The following RHOC variants were observed in gnomAD, a reference collection of about 807,000 sequenced individuals.
The protein encoded by RHOC is ras homolog family member C, also known as rho-related GTP-binding protein RhoC.
Under a neutral mutation model 19.5 loss-of-function variants are expected in RHOC, and 13 were observed. The observed-to-expected ratio is 0.67, with a 90% confidence interval of 0.43 to 1.06. The LOEUF (loss-of-function observed/expected upper bound fraction) is 1.06, where lower values mean the gene tolerates loss of function less well. Among genes scored for constraint, RHOC ranks in the 50% least tolerant of loss-of-function variants. RHOC has a pLI of 0.00. For missense variants in RHOC, 173 were observed against 256.9 expected (o/e 0.67, Z 2.23); for synonymous variants, 106 against 97.3 (o/e 1.09, Z -0.52).
intron 1 of RHOC, among the ~76,000 whole-genome samples, chr1:112,706,482 A>ACCCCCCCAC (rs776494527): frequency 5.3e-5 from 1 of 19,034 alleles, no homozygotes; most frequent in Non-Finnish European, 9.1e-5. Flanking sequence ...ACACACACAC[A>ACCCCCCCAC]CACACACACA....
intron 5 of RHOC, 100 bp from the exon 6 acceptor site, chr1:112,701,813 T>C: frequency 1.6e-6 from 2 of 1,285,112 alleles, no homozygotes; most frequent in South Asian, 1.3e-5. Flanking sequence ...TGCCTCCTTC[T>C]CCAGCCCTGA....
Position 112,706,496 on chromosome 1 carries a change from A to C in RHOC, c.-77+582T>G, listed in dbSNP as rs1320826833. Among the ~76,000 whole-genome samples the C allele has an allele frequency of 2.2e-3, 89 of 40,924 alleles. 2 individuals carry two copies. The highest frequency in any genetic ancestry group is 7.2e-3 in the African/African-American group (87 of 12,130). The allele number at this position is 40,924 out of a possible 152,430, so 26.8% of individuals were successfully genotyped here. On this transcript the variant is annotated intron_variant, in intron 1 of 5. Coordinates refer to ENST00000339083, the MANE Select transcript of RHOC (RefSeq NM_175744.5). ...CACACACACACACACACACACACAC[A>C]CACACACACACACACACACACACAC... is the stretch of plus-strand genomic sequence containing the variant.
chr1:112,702,599 G>C lies in RHOC; in HGVS notation c.372C>G (p.Asp124Glu). The C allele has an allele frequency of 6.2e-7, 1 of 1,614,124 alleles. No homozygotes were observed. Among genetic ancestry groups the C allele is most frequent in the East Asian group, 2.2e-5 (1 of 44,874 alleles). Reference protein sequence around the residue: ...LVGNKKDLRQDEHTRRELAKM... With the variant: ...LVGNKKDLRQEEHTRRELAKM... ...TGGCCAGCTCTCTCCTGGTGTGCTC[G>C]TCTTGCCTCAGGTCCTTCTTATTCC... The change falls in exon 5 of 6, where the codon GAC (aspartate) becomes GAG (glutamate). Residue 124 changes from aspartate (D) to glutamate (E), a missense_variant. Asp to Glu is a conservative substitution (Grantham distance 45, BLOSUM62 2). Transcript: ENST00000339083.
At chr1:112,701,766 C>T in intron 5 of RHOC, 53 bp from the exon 6 acceptor site, 1 of 1,580,860 alleles carries the variant, frequency 6.3e-7, no homozygotes, top group South Asian at 1.1e-5. Context: ...ACATGAACCT[C>T]TCCTGCCTCA....
At chr1:112,704,768 C>A (rs890190520) in intron 2 of RHOC, 4 of 291,690 alleles carry the variant, frequency 1.4e-5, no homozygotes, top group South Asian at 7.2e-5. Context: ...CTTCCTCCCC[C>A]CTTCCTCCTA....
intron 1 of RHOC, chr1:112,705,980 G>A (rs958912950): frequency 2.4e-5 from 7 of 292,100 alleles, no homozygotes; most frequent in African/African-American, 1.5e-4. Flanking sequence ...GCTATGATTG[G>A]GCCAGAACAG....
chr1:112,702,151 A>G (rs1298865697), intron 5 of RHOC, among the ~76,000 whole-genome samples: 1 of 152,210 alleles, frequency 6.6e-6, no homozygotes. Flanking sequence ...CAGGTCCCTG[A>G]ATAAGCCAGC....
At chr1:112,703,621 G>A (rs1200780442) in intron 3 of RHOC, 23 bp downstream of exon 3, 4 of 1,600,476 alleles carry the variant, frequency 2.5e-6, no homozygotes, top group Non-Finnish European at 3.4e-6. Context: ...AGGGTGGGGT[G>A]GGAAGGGCAT....
chr1:112,701,580 A>ACCTGGAGGCCAGCC lies in RHOC; in HGVS notation c.528_541dup (p.Val181GlyfsTer45). The ACCTGGAGGCCAGCC allele has an allele frequency of 6.2e-7, 1 of 1,614,036 alleles. No individual in the cohort carries two copies. Among genetic ancestry groups the ACCTGGAGGCCAGCC allele is most frequent in the Non-Finnish European group, 8.5e-7 (1 of 1,179,982 alleles). The stretch of plus-strand genomic sequence containing the variant: ...GCCCCTCCGACGCTTGTTCTTGCGG[A>ACCTGGAGGCCAGCC]CCTGGAGGCCAGCCCGAGTGGCCAT... On this transcript the variant is annotated frameshift_variant, in exon 6 of 6. Coordinates refer to ENST00000339083, the MANE Select transcript of RHOC (RefSeq NM_175744.5). LOFTEE classifies it high-confidence loss of function.
chr1:112,706,488 A>ACAC (rs1674883612), intron 1 of RHOC, among the ~76,000 whole-genome samples: 8 of 26,066 alleles, frequency 3.1e-4, no homozygotes, highest in African/African-American at 1.1e-3. Context: ...ACACACACAC[A>ACAC]CACACACACA....
At chr1:112,706,475 CACACACACACACACACACACACACACA>C (rs1557780692) in intron 1 of RHOC, among the ~76,000 whole-genome samples, 10 of 3,558 alleles carry the variant, frequency 2.8e-3, no homozygotes, top group African/African-American at 6.2e-3. Flanking sequence ...CACACACACA[CACACACACACACACACACACACACACA>C]CACACACACA....
Position 112,702,640 on chromosome 1 carries a change from G to A in RHOC, c.331C>T (p.Pro111Ser). Reference protein sequence around the residue: ...PEVKHFCPNVPIILVGNKKDL... With the variant: ...PEVKHFCPNVSIILVGNKKDL... ...TTCTTATTCCCCACCAGGATGATGG[G>A]CACGTTGGGGCAGAAGTGCTTCACC... The change falls in exon 5 of 6, where the codon CCC (proline) becomes TCC (serine). Residue 111 changes from proline to serine, a missense_variant. Pro to Ser is a moderately conservative substitution (Grantham distance 74). Transcript: ENST00000339083. The A allele has an allele frequency of 1.2e-6, 2 of 1,614,112 alleles. No homozygotes were observed. The highest frequency in any genetic ancestry group is 1.7e-6 in the Non-Finnish European group (2 of 1,179,986).
rs776494527 is a variant in RHOC, at chr1:112,706,482, A to ACCACACACACACACACACCCCCACAC, written c.-77+595_-77+596insGTGTGGGGGTGTGTGTGTGTGTGTGG. 2.6e-4 allele frequency among the ~76,000 whole-genome samples: 5 copies of ACCACACACACACACACACCCCCACAC among 19,034 alleles called. 2 individuals carry two copies. Among genetic ancestry groups the ACCACACACACACACACACCCCCACAC allele is most frequent in the African/African-American group, 5.1e-4 (2 of 3,898 alleles). The allele number at this position is 19,034 out of a possible 152,430, so 12.5% of individuals were successfully genotyped here. On this transcript the variant is annotated intron_variant, in intron 1 of 5. Transcript: ENST00000339083. Reference sequence around the variant, plus strand: ...ACACACACCACACACACACACACACACACACACACACACACACACACACAC... The same window carrying ACCACACACACACACACACCCCCACAC: ...ACACACACCACACACACACACACACACCACACACACACACACACCCCCACACCACACACACACACACACACACACAC...
chr1:112,705,112 G>T lies in RHOC; in HGVS notation c.-20C>A, dbSNP rs1468238620. ...GAGGGGAACTGACCTCCAGCCGGCT[G>T]AAGTTCCCAGGCTGCAGGAAGAGAG... is the stretch of plus-strand genomic sequence containing the variant. On this transcript the variant is annotated 5_prime_UTR_variant, in exon 2 of 6. Coordinates refer to ENST00000339083, the MANE Select transcript of RHOC (RefSeq NM_175744.5). The T allele has an allele frequency of 4.3e-6, 3 of 702,516 alleles. No individual in the cohort carries two copies. The highest frequency in any genetic ancestry group is 2.7e-5 in the East Asian group (1 of 37,276). The allele number at this position is 702,516 out of a possible 1,614,324, so 43.5% of individuals were successfully genotyped here. A position where few individuals can be genotyped will look rare whatever the true frequency, so the allele number is the denominator to read the frequency against.
In RHOC at chr1:112,703,694, G is replaced by T; in HGVS notation, c.106C>A (p.Pro36Thr). The change falls in exon 3 of 6, where the codon CCT (proline) becomes ACT (threonine). Residue 36 changes from proline to threonine, a missense_variant. This residue lies in a region of RHOC where 92 missense variants were observed against 171.1 expected (regional missense o/e 0.54). Coordinates refer to ENST00000339083, the MANE Select transcript of RHOC (RefSeq NM_175744.5). Reference protein sequence around the residue: ...SKDQFPEVYVPTVFENYIADI... With the variant: ...SKDQFPEVYVTTVFENYIADI... ...GCAATATAGTTCTCAAAGACAGTAG[G>T]GACGTAGACCTCCGGAAACTGATCC... The T allele has an allele frequency of 6.2e-7, 1 of 1,613,674 alleles. No individual in the cohort carries two copies. Among genetic ancestry groups the T allele is most frequent in the Non-Finnish European group, 8.5e-7 (1 of 1,179,904 alleles).
chr1:112,701,364 G>GCTGGGAGGGAGGGCC lies in RHOC; in HGVS notation c.*161_*175dup, dbSNP rs1190519939. The GCTGGGAGGGAGGGCC allele has an allele frequency of 6.7e-6, 10 of 1,502,600 alleles. No individual in the cohort carries two copies. The highest frequency in any genetic ancestry group is 2.4e-4 in the Middle Eastern group (1 of 4,222). 93.1% of individuals were successfully genotyped at this position (1,502,600 alleles called of 1,614,324 possible). On this transcript the variant is annotated 3_prime_UTR_variant, in exon 6 of 6. Transcript: ENST00000339083. ...AGGGCATAGGCGTGGCTCCCAGAGC[G>GCTGGGAGGGAGGGCC]CTGGGAGGGAGGGCCCGTGCCACCA...
rs558748171 is a variant in RHOC, at chr1:112,702,496, T to C, written c.408+67A>G. The C allele has an allele frequency of 1.9e-4, 300 of 1,560,084 alleles. 2 individuals are homozygous for C. Among genetic ancestry groups the C allele is most frequent in the Admixed American group, 3.8e-4 (22 of 57,390 alleles). ...GCAGTAGCTGGAGAGAAGTTCCCTTTGCCCGTCTGCAACCCCTCAGAGGGT... is the reference window on the plus strand; with the variant it reads ...GCAGTAGCTGGAGAGAAGTTCCCTTCGCCCGTCTGCAACCCCTCAGAGGGT... On this transcript the variant is annotated intron_variant, in intron 5 of 5. Transcript: ENST00000339083.
Position 112,701,707 on chromosome 1 carries a change from C to A in RHOC, c.415G>T (p.Val139Phe). 1.9e-6 allele frequency: 3 copies of A among 1,613,862 alleles called. No individual in the cohort carries two copies. Among genetic ancestry groups the A allele is most frequent in the Non-Finnish European group, 2.5e-6 (3 of 1,180,002 alleles). Residue 139 changes from valine to phenylalanine, a missense_variant, in exon 6 of 6, where the codon GTT (valine) becomes TTT (phenylalanine). Around this residue, in one of 2 missense-constraint regions of RHOC, gnomAD observed 81 missense variants for 85.8 expected, o/e 0.94. Coordinates refer to ENST00000339083, the MANE Select transcript of RHOC (RefSeq NM_175744.5). The part of the protein sequence containing the change: ...RELAKMKQEP[V>F]RSEEGRDMAN... ...ATGTCCCGGCCTTCCTCAGACCGAA[C>A]GGGCTCCTGAGAAGACATAAGATGA... is the stretch of plus-strand genomic sequence containing the variant.
Position 112,701,704 on chromosome 1 carries a change from G to A in RHOC, c.418C>T (p.Arg140Trp), listed in dbSNP as rs202016325. ...ELAKMKQEPV[R>W]SEEGRDMANR... is the part of the protein sequence containing the mutation. ...GCCATGTCCCGGCCTTCCTCAGACC[G>A]AACGGGCTCCTGAGAAGACATAAGA... Residue 140 changes from arginine (R) to tryptophan (W), a missense_variant, in exon 6 of 6, where the codon CGG (arginine) becomes TGG (tryptophan). Physicochemically the swap from Arg to Trp is moderately radical, Grantham distance 101. Transcript: ENST00000339083. 48 of 1,613,718 alleles carry A rather than the reference G, an allele frequency of 3.0e-5. No homozygotes were observed. The highest frequency in any genetic ancestry group is 2.7e-4 in the South Asian group (25 of 91,082).
Sources: gnomAD v4.1 joint callset for allele counts (sites outside exome capture counted in the v4.1 genomes callset) on GRCh38, gnomAD v4.1.1 for gene constraint, gnomAD v4.1.1 regional missense constraint, MANE v1.5 for transcripts, NCBI Gene and HGNC (gene_info 2026-07-23, HGNC 2026-07-21) for gene names.